Variants in AP3B2 observed in about 807,000 individuals in gnomAD.
AP3B2 encodes the protein AP-3 complex subunit beta-2.
In AP3B2, 50 loss-of-function variants were observed where a neutral mutation model predicts 126.9. The ratio of observed to expected loss-of-function variants is 0.39; its 90% CI spans 0.31 to 0.50. AP3B2 has a LOEUF of 0.50. Among genes scored for constraint, AP3B2 ranks in the 20% least tolerant of loss-of-function variants. The probability of loss-of-function intolerance (pLI) is 0.79; values close to 1 mark genes in which losing one functional copy is unlikely to be tolerated. For missense variants in AP3B2, 1,177 were observed against 1,426.4 expected, an observed-to-expected ratio of 0.83 and a Z score of 2.82; for synonymous variants, 541 against 565.0, an observed-to-expected ratio of 0.96 and a Z score of 0.60.
intron 1 of AP3B2, among the ~76,000 whole-genome samples, chr15:82,690,631 ATTTTCTTCTTCTTTTTTTTTT>A (rs1326716106): frequency 2.7e-5 from 3 of 112,850 alleles, no homozygotes; most frequent in Admixed American, 9.3e-5. Flanking sequence ...TATGTGCCAC[ATTTTCTTCTTCTTTTTTTTTT>A]TTTTTTTTTT....
chr15:82,692,556 C>A (rs921975428), intron 1 of AP3B2: 13 of 174,896 alleles, frequency 7.4e-5, no homozygotes, highest in African/African-American at 3.1e-4. Context: ...ATGGACCTGG[C>A]TCAGGGAAAA....
At position 82,665,233 on chromosome 15, in the gene AP3B2, C is replaced by G; in HGVS notation, c.2028+14G>C. On this transcript the variant is annotated intron_variant, in intron 17 of 26. Transcript: ENST00000535359. This position sits in a 1 kb window ranked among gnomAD's most constrained non-coding sequence, Gnocchi z 4.4. The stretch of plus-strand genomic sequence containing the variant: ...AGGGCAGGGGAGAGAGCACACGTCA[C>G]ACGAAGGTGGGACCTCAGTGTATTC... 16 of 1,537,638 alleles carry G rather than the reference C, an allele frequency of 1.0e-5. No individual in the cohort carries two copies. The highest frequency in any genetic ancestry group is 1.4e-5 in the Non-Finnish European group (16 of 1,147,448).
intron 1 of AP3B2, among the ~76,000 whole-genome samples, chr15:82,701,431 A>G (rs570690253): frequency 1.7e-4 from 26 of 152,328 alleles, no homozygotes; most frequent in African/African-American, 6.3e-4. Context: ...AAAAAAACCC[A>G]AAATAACAAA....
In AP3B2 at chr15:82,663,135, C is replaced by T; in HGVS notation, c.2596G>A (p.Val866Ile). 1 of 1,610,536 alleles carries T rather than the reference C, an allele frequency of 6.2e-7. No individual in the cohort carries two copies. The highest frequency in any genetic ancestry group is 8.5e-7 in the Non-Finnish European group (1 of 1,178,934). The stretch of plus-strand genomic sequence containing the variant: ...TCCTCCATCCCACTCACCGACGGTA[C>T]CAGGGTGGAGTCTGTGAGTGTCAGG... ...EGLTLTDSTL[V>I]PSLLSPVSGV... The change falls in exon 22 of 27, where the codon GTA becomes ATA. Residue 866 changes from valine (V) to isoleucine (I), a missense_variant. Transcript: ENST00000535359.
intron 1 of AP3B2, chr15:82,699,783 C>CA: frequency 5.0e-6 from 2 of 399,314 alleles, no homozygotes. Context: ...CTTCGGGAGC[C>CA]AGCACAGGGC....
intron 14 of AP3B2, among the ~76,000 whole-genome samples, chr15:82,670,775 G>T (rs2048143332): frequency 6.6e-6 from 1 of 151,916 alleles, no homozygotes; most frequent in African/African-American, 2.4e-5. Flanking sequence ...AGAATAGGAG[G>T]AAAAAATTTG....
At chr15:82,697,761 T>G (rs1002647707) in intron 1 of AP3B2, 7 of 152,240 alleles carry the variant, frequency 4.6e-5, no homozygotes, top group African/African-American at 1.7e-4. Flanking sequence ...TCATGTTATC[T>G]GAAACTCCCT....
intron 14 of AP3B2, among the ~76,000 whole-genome samples, chr15:82,667,810 A>T (rs2048085181): frequency 6.6e-6 from 1 of 152,198 alleles, no homozygotes; most frequent in Non-Finnish European, 1.5e-5. Context: ...GGAGCCCATC[A>T]GTACTGCACC....
chr15:82,676,602 G>A lies in AP3B2; in HGVS notation c.1524C>T (p.Ile508=), dbSNP rs201407449. 52 of 1,613,966 alleles carry A rather than the reference G, an allele frequency of 3.2e-5. No homozygotes were observed. The East Asian group carries it at 3.6e-4, about 11-fold the overall frequency. The change falls in exon 14 of 27, where the codon ATC becomes ATT. Residue 508 remains isoleucine (I), a synonymous_variant. Coordinates refer to ENST00000535359, the MANE Select transcript of AP3B2 (RefSeq NM_001278512.2). The stretch of plus-strand genomic sequence containing the variant: ...TGGGGACATGCTCACAGTACTCTCC[G>A]ATGAGCCACAGGATGCTGGCTCGGG... ...PMARASILWL[I]GEYCEHVPRI... is the part of the protein sequence containing the mutation.
At chr15:82,689,126 G>A in intron 3 of AP3B2, 32 bp downstream of exon 3, 1 of 1,611,190 alleles carries the variant, frequency 6.2e-7, no homozygotes, top group Non-Finnish European at 8.5e-7. Context: ...GGGGAGGTGG[G>A]GACAAGCAAT....
intron 1 of AP3B2, among the ~76,000 whole-genome samples, chr15:82,705,215 C>T (rs995308030): frequency 7.2e-5 from 11 of 152,110 alleles, no homozygotes; most frequent in Non-Finnish European, 1.5e-4. Context: ...CCTAATCACC[C>T]TTACCGTGCT....
intron 9 of AP3B2, 23 bp from the exon 10 acceptor site, chr15:82,679,823 G>A: frequency 6.2e-7 from 1 of 1,611,134 alleles, no homozygotes; most frequent in Non-Finnish European, 8.5e-7. Flanking sequence ...AGGCAGCTAG[G>A]GAGCTCCACC....
intron 11 of AP3B2, 30 bp downstream of exon 11, chr15:82,678,075 A>G (rs1044511434): frequency 1.2e-6 from 2 of 1,611,294 alleles, no homozygotes; most frequent in Non-Finnish European, 1.7e-6. Context: ...CCCCTCTCCC[A>G]GGCCCTTCTG....
Position 82,709,713 on chromosome 15 carries a change from G to T in AP3B2, c.-7C>A. 6.8e-7 allele frequency: 1 copy of T among 1,472,556 alleles called. No homozygotes were observed. The highest frequency in any genetic ancestry group is 9.0e-7 in the Non-Finnish European group (1 of 1,111,774). 91.2% of individuals were successfully genotyped at this position (1,472,556 alleles called of 1,614,324 possible). A position where few individuals can be genotyped will look rare whatever the true frequency, so the allele number is the denominator to read the frequency against. ...AGGCGGGGGCGGCCGACATGGGGCGGCCAGGGAGACTTCGCCGAGGAGGAG... is the reference window on the plus strand; with the variant it reads ...AGGCGGGGGCGGCCGACATGGGGCGTCCAGGGAGACTTCGCCGAGGAGGAG... On this transcript the variant is annotated 5_prime_UTR_variant, in exon 1 of 27. Coordinates refer to ENST00000535359, the MANE Select transcript of AP3B2 (RefSeq NM_001278512.2).
In AP3B2 at chr15:82,680,449, G is replaced by A; in HGVS notation, c.1055+23C>T. 2.1e-6 allele frequency: 3 copies of A among 1,461,692 alleles called. No homozygotes were observed. The highest frequency in any genetic ancestry group is 2.7e-6 in the Non-Finnish European group (3 of 1,110,074). The allele number at this position is 1,461,692 out of a possible 1,614,324, so 90.5% of individuals were successfully genotyped here. On this transcript the variant is annotated intron_variant, in intron 8 of 26. Coordinates refer to ENST00000535359, the MANE Select transcript of AP3B2 (RefSeq NM_001278512.2). This position sits in a 1 kb window ranked among gnomAD's most constrained non-coding sequence, Gnocchi z 6.1. ...GGCGGGGCAGGAGGCGAGGGAGGGG[G>A]CGGGGCTGGGGGCGGAGCGCACCTG...
chr15:82,699,317 A>G (rs1231529137), intron 1 of AP3B2: 3 of 212,776 alleles, frequency 1.4e-5, no homozygotes, highest in Non-Finnish European at 2.8e-5. Flanking sequence ...CCTGTCCCCA[A>G]ACCTCGTCCA....
At chr15:82,662,093 C>T in intron 24 of AP3B2, 75 bp downstream of exon 24, 1 of 1,437,210 alleles carries the variant, frequency 7.0e-7, no homozygotes, top group South Asian at 1.2e-5. Context: ...TAAGCACCAC[C>T]TCCATTTCCA....
chr15:82,679,719 CCTCA>C lies in AP3B2; in HGVS notation c.1182+6_1182+9del. On this transcript the variant is annotated splice_donor_region_variant and intron_variant, in intron 10 of 26. Transcript: ENST00000535359. ...GCTGGGAAGCACATGCACTTCTGTC[CCTCA>C]CTCACCTTCAGGATCTTAATCTGGG... 1.2e-6 allele frequency: 2 copies of C among 1,612,268 alleles called. No individual in the cohort carries two copies. Among genetic ancestry groups the C allele is most frequent in the Non-Finnish European group, 1.7e-6 (2 of 1,178,450 alleles).
In AP3B2 at chr15:82,665,433, A is replaced by ACACT. The variant is rs1555465021; in HGVS notation, c.1971+23_1971+24insAGTG. 7 of 1,435,872 alleles carry ACACT rather than the reference A, an allele frequency of 4.9e-6. No individual in the cohort carries two copies. The African/African-American group carries it at 1.1e-4, about 24-fold the overall frequency. The allele number at this position is 1,435,872 out of a possible 1,614,324, so 88.9% of individuals were successfully genotyped here. A position where few individuals can be genotyped will look rare whatever the true frequency, so the allele number is the denominator to read the frequency against. On this transcript the variant is annotated intron_variant, in intron 16 of 26. Coordinates refer to ENST00000535359, the MANE Select transcript of AP3B2 (RefSeq NM_001278512.2). This position sits in a 1 kb window ranked among gnomAD's most constrained non-coding sequence, Gnocchi z 4.4. ...CACACACACACACACACACACACAC[A>ACACT]CTTCAACCCTCCACCCCGCTGACCT... is the stretch of plus-strand genomic sequence containing the variant.
Sources: allele counts gnomAD v4.1 joint callset (sites outside exome capture counted in the v4.1 genomes callset), GRCh38; gene constraint gnomAD v4.1.1; non-coding constraint Gnocchi (gnomAD v3.1); transcripts MANE v1.5; gene names NCBI Gene and HGNC (gene_info 2026-07-23, HGNC 2026-07-21).